Variants in BTD observed in about 807,000 individuals in gnomAD.
BTD encodes the protein biotinidase, also known as biocytinase.
BTD carries 13 observed loss-of-function variants against 17.7 expected under a neutral mutation model. That is an observed-to-expected ratio of 0.74 (90% CI 0.48 to 1.17). The LOEUF (loss-of-function observed/expected upper bound fraction) is 1.17. Ranked by LOEUF, BTD falls within the 50% of genes most tolerant of loss-of-function variation. BTD has a pLI of 0.00. For synonymous variants in BTD, 240 were observed against 245.2 expected (o/e 0.98, Z 0.20); for missense variants, 674 against 650.4 (o/e 1.04, Z -0.39).
In BTD at chr3:15,652,993, G is replaced by C. The variant is rs2065829145; in HGVS notation, c.*7505G>C. On this transcript the variant is annotated 3_prime_UTR_variant, in exon 4 of 4. Coordinates refer to ENST00000643237, the MANE Select transcript of BTD (RefSeq NM_001370658.1). ...GTTTGCTTTGAAATCGGAAGTTCTA[G>C]AGGAGGTATTCTGACAGTGGCCAGG... Among the ~76,000 whole-genome samples the C allele has an allele frequency of 6.6e-6, 1 of 152,216 alleles. No individual in the cohort carries two copies. Among genetic ancestry groups the C allele is most frequent in the African/African-American group, 2.4e-5 (1 of 41,446 alleles).
At chr3:15,601,554 C>T (rs901012098), upstream of BTD, 1 of 1,603,766 alleles carries the variant, frequency 6.2e-7, no homozygotes, top group Admixed American at 1.7e-5. Context: ...CACGCCACCT[C>T]TGGTACTGCA....
chr3:15,672,145 GA>G (rs1162520677), intron 3 of BTD, among the ~76,000 whole-genome samples: 2 of 144,422 alleles, frequency 1.4e-5, no homozygotes, highest in African/African-American at 2.8e-5. Flanking sequence ...ATAAAAAAAG[GA>G]TTTTTTTTTT....
At chr3:15,627,848 A>C (rs2065105216) in intron 1 of BTD, among the ~76,000 whole-genome samples, 1 of 152,122 alleles carries the variant, frequency 6.6e-6, no homozygotes, top group South Asian at 2.1e-4. Flanking sequence ...CAGCCTCCCA[A>C]GTAGCTGGGA....
intron 3 of BTD, among the ~76,000 whole-genome samples, chr3:15,643,969 AATTTATTTATTT>A (rs72529474): frequency 0.054 from 7,393 of 137,932 alleles, 525 homozygotes; most frequent in Admixed American, 0.14. Context: ...TCATTTATTT[AATTTATTTATTT>A]ATTTATTTAT....
intron 3 of BTD, among the ~76,000 whole-genome samples, chr3:15,699,384 AGACAAATG>A (rs2070198300): frequency 1.3e-5 from 2 of 152,190 alleles, no homozygotes; most frequent in South Asian, 4.1e-4. Flanking sequence ...AAGCCAAAAT[AGACAAATG>A]GGATCTAATT....
At chr3:15,664,404 G>A (rs2065957125) in intron 3 of BTD, among the ~76,000 whole-genome samples, 1 of 152,216 alleles carries the variant, frequency 6.6e-6, no homozygotes, top group Admixed American at 6.5e-5. Flanking sequence ...AGGAATGTGG[G>A]CTGTTAGTTT....
intron 1 of BTD, among the ~76,000 whole-genome samples, chr3:15,605,357 A>C (rs1197551076): frequency 1.3e-5 from 2 of 152,190 alleles, no homozygotes; most frequent in African/African-American, 4.8e-5. Context: ...TCACAAGAAC[A>C]GCATGGGAAA....
intron 3 of BTD, chr3:15,685,544 C>T: frequency 2.0e-6 from 2 of 1,015,080 alleles, no homozygotes; most frequent in Non-Finnish European, 1.5e-6. Context: ...CTCTCCATAT[C>T]CTTCCATCAA....
chr3:15,684,927 C>T (rs2067937023), intron 3 of BTD: 1 of 288,934 alleles, frequency 3.5e-6, no homozygotes, highest in Admixed American at 4.9e-5. Flanking sequence ...AGTTCAAGAC[C>T]AGCCTGGGCA....
intron 1 of BTD, among the ~76,000 whole-genome samples, chr3:15,609,596 T>C (rs1415804633): frequency 6.6e-6 from 1 of 152,190 alleles, no homozygotes; most frequent in East Asian, 1.9e-4. Context: ...ACTGTGGAGC[T>C]TTAAAAATTT....
intron 3 of BTD, among the ~76,000 whole-genome samples, chr3:15,671,022 A>T (rs1167736281): frequency 6.6e-6 from 1 of 152,264 alleles, no homozygotes; most frequent in Non-Finnish European, 1.5e-5. Context: ...TTAAATGTGT[A>T]CAGCTTCATG....
intron 1 of BTD, among the ~76,000 whole-genome samples, chr3:15,623,163 C>T (rs1278136065): frequency 6.6e-6 from 1 of 152,202 alleles, no homozygotes; most frequent in African/African-American, 2.4e-5. Flanking sequence ...ATTATCTCCA[C>T]CTGGCTCCAC....
downstream of BTD, among the ~76,000 whole-genome samples, chr3:15,657,749 C>A (rs2065884985): frequency 6.6e-6 from 1 of 151,750 alleles, no homozygotes. Context: ...TGTTCGAGGG[C>A]ACCTTCCACA....
intron 3 of BTD, chr3:15,707,929 A>C (rs140048961): frequency 6.2e-7 from 1 of 1,612,886 alleles, no homozygotes; most frequent in African/African-American, 1.3e-5. Context: ...CTTACTTGCC[A>C]TCTGTGTCTG....
intron 2 of BTD, among the ~76,000 whole-genome samples, chr3:15,636,161 C>T (rs1665604736): frequency 6.6e-6 from 1 of 152,182 alleles, no homozygotes; most frequent in South Asian, 2.1e-4. Context: ...GTCTAATGTG[C>T]AGAAAAATTT....
chr3:15,708,896 C>T (rs1472456999), intron 3 of BTD, among the ~76,000 whole-genome samples: 2 of 152,176 alleles, frequency 1.3e-5, no homozygotes, highest in Non-Finnish European at 1.5e-5. Context: ...ATACACCCTT[C>T]CTTCTCATAC....
At chr3:15,607,268 T>C (rs2064486064) in intron 1 of BTD, among the ~76,000 whole-genome samples, 2 of 152,338 alleles carry the variant, frequency 1.3e-5, no homozygotes, top group Non-Finnish European at 2.9e-5. Flanking sequence ...ATCTAACCTT[T>C]TTAAAAGAAA....
chr3:15,713,817 C>T (rs1438101004), downstream of BTD, among the ~76,000 whole-genome samples: 2 of 152,192 alleles, frequency 1.3e-5, no homozygotes, highest in Non-Finnish European at 2.9e-5. Flanking sequence ...AGCTTTTATA[C>T]TTAAAGCAAT....
intron 3 of BTD, chr3:15,708,113 T>G: frequency 6.4e-7 from 1 of 1,550,620 alleles, no homozygotes; most frequent in South Asian, 1.2e-5. Context: ...GAGACATAAC[T>G]AGTAAACAAA....
Sources: allele counts gnomAD v4.1 joint callset (sites outside exome capture counted in the v4.1 genomes callset), GRCh38; gene constraint gnomAD v4.1.1; transcripts MANE v1.5; gene names NCBI Gene and HGNC (gene_info 2026-07-23, HGNC 2026-07-21).